Variants in ALPK1 observed in about 807,000 individuals in gnomAD.
The protein encoded by ALPK1 is alpha-protein kinase 1.
A neutral mutation model predicts 120.6 loss-of-function variants in ALPK1; 110 were observed. That is an observed-to-expected ratio of 0.91 (90% CI 0.78 to 1.07). The LOEUF is 1.07. ALPK1 is among the 50% of genes least tolerant of loss of function. The pLI is 0.00. For missense variants in ALPK1, 1,498 were observed against 1,483.9 expected (o/e 1.01, Z -0.16); for synonymous variants, 582 against 560.3 (o/e 1.04, Z -0.55).
At chr4:112,350,385 T>G (rs1730299077) in intron 2 of ALPK1, among the ~76,000 whole-genome samples, 1 of 152,216 alleles carries the variant, frequency 6.6e-6, no homozygotes, top group African/African-American at 2.4e-5. Flanking sequence ...ACAATATGCT[T>G]CATGCTGTTT....
intron 4 of ALPK1, among the ~76,000 whole-genome samples, chr4:112,385,422 G>C (rs1393449580): frequency 6.6e-6 from 1 of 152,158 alleles, no homozygotes; most frequent in East Asian, 1.9e-4. Context: ...TCTAAGGGGC[G>C]CTGTCTATTA....
chr4:112,398,805 G>A (rs1039453802), intron 4 of ALPK1, among the ~76,000 whole-genome samples: 1 of 152,060 alleles, frequency 6.6e-6, no homozygotes, highest in African/African-American at 2.4e-5. Context: ...ATGAAAAATG[G>A]TCAGATCTTA....
intron 4 of ALPK1, among the ~76,000 whole-genome samples, chr4:112,400,713 C>G (rs116461534): frequency 2.7e-4 from 41 of 152,244 alleles, no homozygotes; most frequent in African/African-American, 9.4e-4. Context: ...AAAAGAGTAA[C>G]TTTTATGACT....
intron 14 of ALPK1, 111 bp from the exon 15 acceptor site, chr4:112,440,806 T>A: frequency 7.2e-7 from 1 of 1,381,226 alleles, no homozygotes; most frequent in Non-Finnish European, 9.3e-7. Flanking sequence ...TTGAATTATC[T>A]CTTTAAGTGT....
intron 13 of ALPK1, 104 bp downstream of exon 13, chr4:112,438,750 A>T: frequency 7.6e-7 from 1 of 1,319,194 alleles, no homozygotes. Context: ...TTTTTAGCAA[A>T]CTATCCTTGT....
Position 112,377,870 on chromosome 4 carries a change from G to C in ALPK1, c.93G>C (p.Glu31Asp). The change falls in exon 3 of 16, where the codon GAG (glutamate) becomes GAC (aspartate). Residue 31 changes from glutamate to aspartate, a missense_variant. By Grantham distance (45) the Glu-to-Asp change is conservative. Transcript: ENST00000650871. ...LLLEAPDVSE[E>D]DKSEDQRCRA... is the part of the protein sequence containing the mutation. ...TGGAAGCGCCAGATGTGTCGGAAGA[G>C]GACAAGAGCGAGGACCAGCGCTGCA... 1.2e-6 allele frequency: 2 copies of C among 1,613,320 alleles called. No individual in the cohort carries two copies. The highest frequency in any genetic ancestry group is 1.7e-6 in the Non-Finnish European group (2 of 1,179,478).
chr4:112,312,900 C>T (rs1342342796), intron 1 of ALPK1, among the ~76,000 whole-genome samples: 1 of 152,204 alleles, frequency 6.6e-6, no homozygotes, highest in Non-Finnish European at 1.5e-5. Context: ...GGGAGGAAAC[C>T]AAGCAGTTCC....
intron 2 of ALPK1, chr4:112,343,014 C>G (rs1284632202): frequency 6.5e-6 from 1 of 152,698 alleles, no homozygotes; most frequent in Admixed American, 6.5e-5. Context: ...CCCTTCAGCT[C>G]CCCAGTCCTG....
At chr4:112,367,086 T>C (rs554096497) in intron 2 of ALPK1, among the ~76,000 whole-genome samples, 10 of 152,304 alleles carry the variant, frequency 6.6e-5, no homozygotes, top group African/African-American at 1.2e-4. Context: ...AGACTACACA[T>C]TGGGTACAGT....
At chr4:112,330,708 G>T (rs1302326103) in intron 2 of ALPK1, among the ~76,000 whole-genome samples, 1 of 152,134 alleles carries the variant, frequency 6.6e-6, no homozygotes, top group Non-Finnish European at 1.5e-5. Flanking sequence ...ATGTCTTCCA[G>T]CCGGCTCTAA....
At chr4:112,308,397 G>A (rs1373365469) in intron 1 of ALPK1, among the ~76,000 whole-genome samples, 1 of 152,122 alleles carries the variant, frequency 6.6e-6, no homozygotes, top group Non-Finnish European at 1.5e-5. Flanking sequence ...ATCAGACATA[G>A]ATTTGGTCTT....
In ALPK1 at chr4:112,430,562, A is replaced by C; in HGVS notation, c.1015A>C (p.Lys339Gln). Reference sequence around the variant, plus strand: ...GGCCTTTGAGATTGGCCTCCTCACCAAGAGAGATGATGAGCCTGTTACTGG... The same window carrying C: ...GGCCTTTGAGATTGGCCTCCTCACCCAGAGAGATGATGAGCCTGTTACTGG... ...KEAFEIGLLT[K>Q]RDDEPVTGKQ... Residue 339 changes from lysine to glutamine, a missense_variant, in exon 11 of 16, where the codon AAG (lysine) becomes CAG (glutamine). By Grantham distance (53) the Lys-to-Gln change is moderately conservative. Transcript: ENST00000650871. 6.2e-7 allele frequency: 1 copy of C among 1,614,182 alleles called. No homozygotes were observed. The highest frequency in any genetic ancestry group is 8.5e-7 in the Non-Finnish European group (1 of 1,180,032).
intron 13 of ALPK1, 72 bp from the exon 14 acceptor site, chr4:112,439,614 C>A: frequency 7.2e-7 from 1 of 1,393,714 alleles, no homozygotes; most frequent in South Asian, 1.6e-5. Flanking sequence ...AGGTTCAAAC[C>A]AAGATTTACC....
chr4:112,388,921 C>T (rs975055999), intron 4 of ALPK1, among the ~76,000 whole-genome samples: 4 of 152,174 alleles, frequency 2.6e-5, no homozygotes, highest in Non-Finnish European at 4.4e-5. Context: ...TTATAATTCC[C>T]TTTTCACAGT....
intron 2 of ALPK1, among the ~76,000 whole-genome samples, chr4:112,375,848 ATTACTAGCTGT>A (rs1731634526): frequency 6.6e-6 from 1 of 151,760 alleles, no homozygotes; most frequent in South Asian, 2.1e-4. Context: ...TCAGCTTAAC[ATTACTAGCTGT>A]TGACTTAAAG....
chr4:112,320,929 C>G (rs1728842676), intron 2 of ALPK1, among the ~76,000 whole-genome samples: 1 of 128,808 alleles, frequency 7.8e-6, no homozygotes, highest in Admixed American at 1.0e-4. Flanking sequence ...CGGAGTCTTG[C>G]TCTGTGGCCC....
At chr4:112,359,680 C>T (rs566474689) in intron 2 of ALPK1, 10 of 237,270 alleles carry the variant, frequency 4.2e-5, no homozygotes, top group African/African-American at 1.4e-4. Context: ...GAGGATGGTG[C>T]GGCTGCAGGG....
At chr4:112,409,569 C>G (rs1449712369) in intron 4 of ALPK1, among the ~76,000 whole-genome samples, 1 of 151,832 alleles carries the variant, frequency 6.6e-6, no homozygotes, top group Non-Finnish European at 1.5e-5. Flanking sequence ...ATTACAGGGT[C>G]AAGCAGAATA....
Position 112,423,834 on chromosome 4 carries a change from A to G in ALPK1, c.476-110A>G, listed in dbSNP as rs1734110001. 1.1e-5 allele frequency: 10 copies of G among 950,364 alleles called. No homozygotes were observed. The East Asian group carries it at 2.0e-4, about 19-fold the overall frequency. 58.9% of individuals were successfully genotyped at this position (950,364 alleles called of 1,614,324 possible). On this transcript the variant is annotated intron_variant, in intron 5 of 15. Coordinates refer to ENST00000650871, the MANE Select transcript of ALPK1 (RefSeq NM_025144.4). ...AAATTATAAAATGGAATGCTTCCAA[A>G]GGAGGTTACAGTTCCTGCTGCAATA...
Sources: allele counts gnomAD v4.1 joint callset (sites outside exome capture counted in the v4.1 genomes callset), GRCh38; gene constraint gnomAD v4.1.1; transcripts MANE v1.5; gene names NCBI Gene and HGNC (gene_info 2026-07-23, HGNC 2026-07-21).